DNMT3B: variants seen among roughly 807,000 people sequenced by gnomAD.
DNMT3B encodes the protein DNA methyltransferase 3 beta, also known as DNA (cytosine-5)-methyltransferase 3B.
Under a neutral mutation model 120.2 loss-of-function variants are expected in DNMT3B, and 37 were observed. The ratio of observed to expected loss-of-function variants is 0.31; its 90% CI spans 0.24 to 0.40. DNMT3B has a LOEUF of 0.40. DNMT3B is among the 10% of genes least tolerant of loss of function. DNMT3B has a pLI of 1.00. For missense variants in DNMT3B, 878 were observed against 1,137.3 expected, an observed-to-expected ratio of 0.77 and a Z score of 3.28; for synonymous variants, 412 against 442.8, an observed-to-expected ratio of 0.93 and a Z score of 0.87.
intron 3 of DNMT3B, among the ~76,000 whole-genome samples, chr20:32,782,738 CAGAGCACAT>C (rs1302553400): frequency 4.6e-5 from 7 of 151,702 alleles, no homozygotes; most frequent in Admixed American, 4.6e-4. Flanking sequence ...TAGACAAAAA[CAGAGCACAT>C]ATAGGGTTCC....
At chr20:32,799,114 T>C (rs1981011111) in intron 15 of DNMT3B, 130 bp from the exon 16 acceptor site, 2 of 979,182 alleles carry the variant, frequency 2.0e-6, no homozygotes, top group South Asian at 2.8e-5. Flanking sequence ...CCATCAAGCC[T>C]TCAGTGGGCT....
intron 1 of DNMT3B, among the ~76,000 whole-genome samples, chr20:32,768,354 G>A (rs6058876): frequency 0.017 from 2,579 of 151,968 alleles, 28 homozygotes; most frequent in South Asian, 0.044. Flanking sequence ...CACCATTCCC[G>A]ACTAATTTTG....
chr20:32,794,389 G>GA (rs1004698324), intron 10 of DNMT3B, among the ~76,000 whole-genome samples: 7 of 130,206 alleles, frequency 5.4e-5, no homozygotes, highest in African/African-American at 1.4e-4. Context: ...AAAAAAGAAA[G>GA]AAAAAAACGA....
In DNMT3B at chr20:32,807,946, A is replaced by G. The variant is rs1241024823; in HGVS notation, c.*43A>G. 1 of 1,613,804 alleles carries G rather than the reference A, an allele frequency of 6.2e-7. No homozygotes were observed. The highest frequency in any genetic ancestry group is 1.1e-5 in the South Asian group (1 of 91,084). ...GCCCACTGGGGTGTGTGGCAGAGCC[A>G]GGACCCAGGAGGTGTGATTCCTGAA... On this transcript the variant is annotated 3_prime_UTR_variant, in exon 23 of 23. Transcript: ENST00000328111.
intron 1 of DNMT3B, among the ~76,000 whole-genome samples, chr20:32,773,360 C>T (rs1009215263): frequency 6.6e-6 from 1 of 152,192 alleles, no homozygotes; most frequent in Non-Finnish European, 1.5e-5. Flanking sequence ...GGTACATGTA[C>T]TCATGACCTA....
chr20:32,798,660 C>G lies in DNMT3B; in HGVS notation c.1674+17C>G. On this transcript the variant is annotated intron_variant, in intron 15 of 22. Coordinates refer to ENST00000328111, the MANE Select transcript of DNMT3B (RefSeq NM_006892.4). ...CTTGAATATGTAAGCCACAGGCTCCCGCCTCTACCACCACAGATCCCAGGG... is the reference window on the plus strand; with the variant it reads ...CTTGAATATGTAAGCCACAGGCTCCGGCCTCTACCACCACAGATCCCAGGG... 1.9e-6 allele frequency: 3 copies of G among 1,613,780 alleles called. No homozygotes were observed. Among genetic ancestry groups the G allele is most frequent in the Non-Finnish European group, 2.5e-6 (3 of 1,180,038 alleles).
intron 14 of DNMT3B, among the ~76,000 whole-genome samples, chr20:32,798,070 G>T (rs1053862645): frequency 1.3e-5 from 2 of 151,778 alleles, no homozygotes; most frequent in African/African-American, 4.8e-5. Flanking sequence ...GCCTCCCAAA[G>T]CCCCAGAGTT....
intron 1 of DNMT3B, among the ~76,000 whole-genome samples, chr20:32,777,468 C>T (rs1225160398): frequency 1.3e-5 from 2 of 152,140 alleles, no homozygotes; most frequent in East Asian, 3.9e-4. Flanking sequence ...AAACCCAGCA[C>T]ACATTAGAAC....
chr20:32,764,751 G>C (rs1987198891), intron 1 of DNMT3B, among the ~76,000 whole-genome samples: 1 of 152,176 alleles, frequency 6.6e-6, no homozygotes, highest in Admixed American at 6.5e-5. Flanking sequence ...ACAAGGACTG[G>C]GGCCAGTGGC....
intron 1 of DNMT3B, among the ~76,000 whole-genome samples, chr20:32,764,574 G>A (rs1167840568): frequency 6.6e-6 from 1 of 152,164 alleles, no homozygotes; most frequent in Non-Finnish European, 1.5e-5. Context: ...AGGAAGAACC[G>A]CCTTTGTTCC....
In DNMT3B at chr20:32,784,941, C is replaced by T. The variant is rs982197227; in HGVS notation, c.306+82C>T. On this transcript the variant is annotated intron_variant, in intron 4 of 22. Transcript: ENST00000328111. ...ATAGCATGCTACATACATAGCATAG[C>T]TCCTTAGGGGAGCTTTTAAGAGAAA... 48 of 1,349,062 alleles carry T rather than the reference C, an allele frequency of 3.6e-5. 1 individual carries two copies. Among genetic ancestry groups the T allele is most frequent in the African/African-American group, 5.7e-5 (4 of 69,714 alleles). The allele number at this position is 1,349,062 out of a possible 1,614,324, so 83.6% of individuals were successfully genotyped here.
chr20:32,797,136 C>A, intron 13 of DNMT3B, 51 bp from the exon 14 acceptor site: 3 of 1,609,084 alleles, frequency 1.9e-6, no homozygotes, highest in Middle Eastern at 1.6e-4. Flanking sequence ...GCCGGCAGGG[C>A]CTGCCCTTCT....
Position 32,799,300 on chromosome 20 carries a change from C to T in DNMT3B, c.1731C>T (p.Val577=). The change falls in exon 16 of 23, where the codon GTC becomes GTT. Residue 577 remains valine (V), a synonymous_variant. Coordinates refer to ENST00000328111, the MANE Select transcript of DNMT3B (RefSeq NM_006892.4). ...IPAARRRPIR[V]LSLFDGIATG... ...CAGCCCGAAGGCGGCCCATTCGAGTCCTGTCATTGTTTGATGGCATCGCGA... is the reference window on the plus strand; with the variant it reads ...CAGCCCGAAGGCGGCCCATTCGAGTTCTGTCATTGTTTGATGGCATCGCGA... 6.2e-7 allele frequency: 1 copy of T among 1,613,550 alleles called. No individual in the cohort carries two copies. Among genetic ancestry groups the T allele is most frequent in the African/African-American group, 1.3e-5 (1 of 75,046 alleles).
chr20:32,784,648 G>C, intron 3 of DNMT3B, 110 bp from the exon 4 acceptor site: 1 of 1,186,672 alleles, frequency 8.4e-7, no homozygotes, highest in African/African-American at 1.5e-5. Context: ...GAGTGACCCG[G>C]TCTCCCTGCC....
chr20:32,804,483 T>G (rs1981735064), intron 20 of DNMT3B, among the ~76,000 whole-genome samples: 1 of 152,186 alleles, frequency 6.6e-6, no homozygotes, highest in Admixed American at 6.5e-5. Flanking sequence ...GTTCCCGTTC[T>G]CATGTCTGAG....
Position 32,798,454 on chromosome 20 carries a change from G to T in DNMT3B, c.1491-6G>T. The T allele has an allele frequency of 6.2e-7, 1 of 1,614,214 alleles. No homozygotes were observed. Among genetic ancestry groups the T allele is most frequent in the Non-Finnish European group, 8.5e-7 (1 of 1,180,040 alleles). Reference sequence around the variant, plus strand: ...AGGCATCCCTTCTCCCTGCCACTGGGTCCAGGTGTTTCTGTGTGGAGTGCC... The same window carrying T: ...AGGCATCCCTTCTCCCTGCCACTGGTTCCAGGTGTTTCTGTGTGGAGTGCC... On this transcript the variant is annotated splice_region_variant and splice_polypyrimidine_tract_variant and intron_variant, in intron 14 of 22. Transcript: ENST00000328111.
Position 32,797,043 on chromosome 20 carries a change from G to A in DNMT3B, c.1378-144G>A, listed in dbSNP as rs368731201. On this transcript the variant is annotated intron_variant, in intron 13 of 22. Coordinates refer to ENST00000328111, the MANE Select transcript of DNMT3B (RefSeq NM_006892.4). ...CTGTCACAGAGGCCAATGGCACGCA[G>A]GTCACAGCCAGTTGTCCTTTTAAAG... is the stretch of plus-strand genomic sequence containing the variant. The A allele has an allele frequency of 4.1e-5, 66 of 1,607,220 alleles. No homozygotes were observed. The African/African-American group carries it at 8.5e-4, about 21-fold the overall frequency.
At chr20:32,770,773 C>T (rs751759609) in intron 1 of DNMT3B, among the ~76,000 whole-genome samples, 15 of 151,864 alleles carry the variant, frequency 9.9e-5, no homozygotes, top group South Asian at 2.1e-4. Flanking sequence ...CCACCATGCC[C>T]GGCTAATTTT....
At chr20:32,806,613 G>A (rs1256910790) in intron 22 of DNMT3B, among the ~76,000 whole-genome samples, 1 of 152,168 alleles carries the variant, frequency 6.6e-6, no homozygotes. Flanking sequence ...GGGACACTAC[G>A]ATGTGTGAGA....
Sources: gnomAD v4.1 joint callset for allele counts (sites outside exome capture counted in the v4.1 genomes callset) on GRCh38, gnomAD v4.1.1 for gene constraint, MANE v1.5 for transcripts, NCBI Gene and HGNC (gene_info 2026-07-23, HGNC 2026-07-21) for gene names.